Variants in NRG1 observed in about 807,000 individuals in gnomAD.
The protein encoded by NRG1 is neuregulin 1.
In NRG1, 18 loss-of-function variants were observed where a neutral mutation model predicts 63.8. That is an observed-to-expected ratio of 0.28 (90% confidence interval 0.19 to 0.42). NRG1 has a LOEUF of 0.42. Ranked by LOEUF, NRG1 falls within the 10% of genes least tolerant of loss-of-function variation. The pLI, the probability that NRG1 is intolerant of heterozygous loss-of-function variation, is 1.00. For synonymous variants in NRG1, 302 were observed against 301.3 expected (o/e 1.00, Z -0.02); for missense variants, 762 against 814.7 (o/e 0.94, Z 0.79).
chr8:32,764,219 A>C, exon 12 of NRG1: 1 of 1,614,144 alleles, frequency 6.2e-7, no homozygotes, highest in Non-Finnish European at 8.5e-7. Flanking sequence ...CAGAAGATGA[A>C]AGAGTAGGTG....
chr8:32,484,599 CT>C (rs951121524), intron 1 of NRG1, among the ~76,000 whole-genome samples: 14 of 149,096 alleles, frequency 9.4e-5, no homozygotes, highest in East Asian at 2.0e-4. Context: ...ATACCTATGC[CT>C]TTTTTTTTTC....
chr8:32,676,616 T>C (rs1358261361), intron 5 of NRG1, among the ~76,000 whole-genome samples: 3 of 152,208 alleles, frequency 2.0e-5, no homozygotes, highest in Admixed American at 1.3e-4. Context: ...TATATGTGAA[T>C]AGGATTTTGT....
At chr8:32,398,235 C>T (rs1309548986) in intron 1 of NRG1, among the ~76,000 whole-genome samples, 1 of 152,104 alleles carries the variant, frequency 6.6e-6, no homozygotes, top group Non-Finnish European at 1.5e-5. Context: ...CAGCTCAGCC[C>T]CTCCTCTAAA....
intron 1 of NRG1, among the ~76,000 whole-genome samples, chr8:32,123,653 T>C (rs913297137): frequency 1.3e-5 from 2 of 149,248 alleles, no homozygotes; most frequent in Non-Finnish European, 3.0e-5. Context: ...ATATATATAT[T>C]ATGTAATTTT....
chr8:31,878,893 T>C (rs929901949), intron 1 of NRG1, among the ~76,000 whole-genome samples: 1 of 151,958 alleles, frequency 6.6e-6, no homozygotes, highest in Non-Finnish European at 1.5e-5. Flanking sequence ...GAACATATAA[T>C]CTTATGTAAT....
At chr8:32,330,747 T>C (rs1185281552) in intron 1 of NRG1, among the ~76,000 whole-genome samples, 1 of 152,198 alleles carries the variant, frequency 6.6e-6, no homozygotes, top group African/African-American at 2.4e-5. Flanking sequence ...ATTTGGTCAA[T>C]GAGTTCCCCT....
intron 1 of NRG1, among the ~76,000 whole-genome samples, chr8:31,646,746 G>C (rs1804326135): frequency 6.6e-6 from 1 of 152,158 alleles, no homozygotes. Context: ...CAGCTGGTTG[G>C]ATAGTGGAAA....
intron 1 of NRG1, among the ~76,000 whole-genome samples, chr8:32,222,738 A>G (rs1160759338): frequency 6.6e-6 from 1 of 152,180 alleles, no homozygotes; most frequent in Non-Finnish European, 1.5e-5. Flanking sequence ...TGGAAACAGG[A>G]GTTCTATCTG....
At chr8:32,124,335 G>C (rs1005819201) in intron 1 of NRG1, among the ~76,000 whole-genome samples, 2 of 151,726 alleles carry the variant, frequency 1.3e-5, no homozygotes, top group African/African-American at 4.8e-5. Context: ...CAGTATACTT[G>C]ATTCTCTCAT....
chr8:31,881,184 A>C (rs895766534), intron 1 of NRG1, among the ~76,000 whole-genome samples: 1 of 152,158 alleles, frequency 6.6e-6, no homozygotes, highest in African/African-American at 2.4e-5. Context: ...GATTTTTGAC[A>C]ATCCTATGTC....
intron 1 of NRG1, among the ~76,000 whole-genome samples, chr8:31,673,012 A>G (rs1184252832): frequency 6.6e-6 from 1 of 151,294 alleles, no homozygotes; most frequent in African/African-American, 2.4e-5. Context: ...TAATATTACC[A>G]CATTGGAGTG....
chr8:32,213,087 A>AT (rs2132407343), intron 1 of NRG1, among the ~76,000 whole-genome samples: 1 of 152,272 alleles, frequency 6.6e-6, no homozygotes, highest in South Asian at 2.1e-4. Flanking sequence ...TTTTCTATCT[A>AT]TTATTAAGAC....
At chr8:31,736,124 C>G (rs1814637562) in intron 1 of NRG1, among the ~76,000 whole-genome samples, 1 of 152,142 alleles carries the variant, frequency 6.6e-6, no homozygotes. Context: ...CCTTTATCAT[C>G]TGGTCTATTA....
chr8:32,271,760 G>T (rs1851573787), intron 1 of NRG1, among the ~76,000 whole-genome samples: 1 of 152,170 alleles, frequency 6.6e-6, no homozygotes, highest in Non-Finnish European at 1.5e-5. Flanking sequence ...GTTAGTACAA[G>T]TCTCTTTATG....
At chr8:31,842,768 G>T (rs1358042740) in intron 1 of NRG1, among the ~76,000 whole-genome samples, 1 of 152,162 alleles carries the variant, frequency 6.6e-6, no homozygotes, top group African/African-American at 2.4e-5. Context: ...TAGATAGATA[G>T]TTTAAGATAT....
chr8:31,902,642 A>G (rs1011844385), intron 1 of NRG1, among the ~76,000 whole-genome samples: 17 of 152,306 alleles, frequency 1.1e-4, no homozygotes, highest in African/African-American at 2.9e-4. Context: ...TAATAAAAAT[A>G]TATTTCTTAA....
At chr8:32,296,128 CAT>C (rs931375954) in intron 1 of NRG1, among the ~76,000 whole-genome samples, 3 of 152,072 alleles carry the variant, frequency 2.0e-5, no homozygotes, top group African/African-American at 7.2e-5. Flanking sequence ...CTGGACAAAA[CAT>C]GTGCACATTT....
chr8:32,601,338 AT>A (rs1844317781), intron 2 of NRG1, among the ~76,000 whole-genome samples: 1 of 152,170 alleles, frequency 6.6e-6, no homozygotes, highest in South Asian at 2.1e-4. Flanking sequence ...CACTGATCTA[AT>A]TTAATCTTTC....
intron 6 of NRG1, among the ~76,000 whole-genome samples, chr8:32,731,279 G>T (rs530530642): frequency 6.6e-6 from 1 of 151,988 alleles, no homozygotes; most frequent in African/African-American, 2.4e-5. Flanking sequence ...TAGTAAAAAC[G>T]TGCTATATTT....
Sources: allele counts gnomAD v4.1 joint callset (sites outside exome capture counted in the v4.1 genomes callset), GRCh38; gene constraint gnomAD v4.1.1; transcripts MANE v1.5; gene names NCBI Gene and HGNC (gene_info 2026-07-23, HGNC 2026-07-21).